Variants in RAD51B observed in about 807,000 individuals in gnomAD.
RAD51B encodes the protein RAD51 paralog B.
Under a neutral mutation model 42.2 loss-of-function variants are expected in RAD51B, and 38 were observed. The observed-to-expected ratio is 0.90, with a 90% CI of 0.70 to 1.18. RAD51B has a LOEUF of 1.18. Ranked by LOEUF, RAD51B falls within the 50% of genes most tolerant of loss-of-function variation. RAD51B has a pLI of 0.00. For synonymous variants in RAD51B, 154 were observed against 145.2 expected (o/e 1.06, Z -0.43); for missense variants, 373 against 400.7 (o/e 0.93, Z 0.59).
intron 10 of RAD51B, chr14:68,541,060 G>A: frequency 4.1e-6 from 4 of 985,340 alleles, no homozygotes; most frequent in Middle Eastern, 5.2e-4. Flanking sequence ...TAAAAGAAGA[G>A]GGTATGCCCT....
At chr14:68,512,028 T>C (rs1321265955) in intron 10 of RAD51B, among the ~76,000 whole-genome samples, 2 of 152,210 alleles carry the variant, frequency 1.3e-5, no homozygotes, top group African/African-American at 4.8e-5. Context: ...AGGAAAGGAC[T>C]TTTCCCCCCA....
intron 7 of RAD51B, among the ~76,000 whole-genome samples, chr14:67,987,090 A>G (rs117256596): frequency 6.6e-6 from 1 of 152,138 alleles, no homozygotes; most frequent in Non-Finnish European, 1.5e-5. Context: ...TTTATGGGGT[A>G]CATGGTATGT....
At chr14:67,948,532 T>C (rs1367783987) in intron 7 of RAD51B, among the ~76,000 whole-genome samples, 2 of 152,166 alleles carry the variant, frequency 1.3e-5, no homozygotes, top group Admixed American at 1.3e-4. Flanking sequence ...AAAGTAACTA[T>C]TGCAATAATG....
At chr14:68,479,913 C>T (rs977612468), downstream of RAD51B, among the ~76,000 whole-genome samples, 3 of 152,044 alleles carry the variant, frequency 2.0e-5, no homozygotes, top group Non-Finnish European at 4.4e-5. Flanking sequence ...AAGTGATCTT[C>T]CAGGCTCAAG....
chr14:67,893,509 CAA>C (rs71129863), intron 7 of RAD51B, among the ~76,000 whole-genome samples: 6,054 of 83,662 alleles, frequency 0.072, 378 homozygotes, highest in South Asian at 0.23. Flanking sequence ...CACACACACA[CAA>C]AAAAAAACAA....
At position 68,594,112 on chromosome 14, in the gene RAD51B, T is replaced by TC. The variant is rs531222526; in HGVS notation, c.1037-368dup. Among the ~76,000 whole-genome samples the TC allele has an allele frequency of 8.2e-3, 1,251 of 151,704 alleles. 14 individuals carry two copies. Among genetic ancestry groups the TC allele is most frequent in the African/African-American group, 0.028 (1,175 of 41,262 alleles). ...GTTTGCCCAAGGGCAGTCTTGTGAT[T>TC]CCCCCACCCCCCGTGCTCCCCACCC... On this transcript the variant is annotated intron_variant, in intron 10 of 10. Transcript: ENST00000487270.
At chr14:68,569,663 C>CTTA (rs1260592057) in intron 10 of RAD51B, among the ~76,000 whole-genome samples, 1 of 152,226 alleles carries the variant, frequency 6.6e-6, no homozygotes, top group Non-Finnish European at 1.5e-5. Flanking sequence ...CCGAACGTCC[C>CTTA]TTATTGATGT....
intron 4 of RAD51B, among the ~76,000 whole-genome samples, chr14:67,860,771 G>A (rs991137321): frequency 5.3e-5 from 8 of 152,140 alleles, no homozygotes; most frequent in African/African-American, 1.7e-4. Context: ...TATATGGATG[G>A]TCCCTGTAAA....
At chr14:68,408,716 G>A (rs1294481119) in intron 8 of RAD51B, among the ~76,000 whole-genome samples, 1 of 152,054 alleles carries the variant, frequency 6.6e-6, no homozygotes, top group East Asian at 1.9e-4. Context: ...TTTAAAGTTA[G>A]CGCAATTAAA....
intron 10 of RAD51B, among the ~76,000 whole-genome samples, chr14:68,578,616 T>C (rs1414405515): frequency 6.6e-6 from 1 of 152,122 alleles, no homozygotes; most frequent in Non-Finnish European, 1.5e-5. Context: ...CCTCTCTCCT[T>C]GAAGGATATA....
intron 7 of RAD51B, among the ~76,000 whole-genome samples, chr14:68,008,620 A>G (rs1471282154): frequency 6.6e-6 from 1 of 152,020 alleles, no homozygotes; most frequent in Non-Finnish European, 1.5e-5. Flanking sequence ...TAAATGGATT[A>G]TTATGGTGCA....
chr14:68,594,908 G>T (rs1890926793), exon 11 of RAD51B: 2 of 1,094,970 alleles, frequency 1.8e-6, no homozygotes, highest in South Asian at 7.3e-5. Context: ...TCCCTGGCTT[G>T]CTGCTGAGCT....
intron 7 of RAD51B, among the ~76,000 whole-genome samples, chr14:68,217,269 C>T (rs1326883052): frequency 6.6e-6 from 1 of 152,160 alleles, no homozygotes; most frequent in Non-Finnish European, 1.5e-5. Flanking sequence ...TCTTCATCTC[C>T]TCTTTTCTAA....
intron 7 of RAD51B, among the ~76,000 whole-genome samples, chr14:68,007,588 T>C (rs2075611996): frequency 6.6e-6 from 1 of 152,096 alleles, no homozygotes; most frequent in African/African-American, 2.4e-5. Context: ...ATGGTTTTGA[T>C]TTTCATTTTC....
In RAD51B at chr14:68,006,015, C is replaced by T. The variant is rs193274594; in HGVS notation, c.756+118811C>T. ...ATAACACTTTTAAACAACCAGGTGT[C>T]GTGAGAACTCTATGAGGAGAACAGC... On this transcript the variant is annotated intron_variant, in intron 7 of 10. Transcript: ENST00000471583. 1.4e-4 allele frequency among the ~76,000 whole-genome samples: 22 copies of T among 152,152 alleles called. 1 individual carries two copies. Among genetic ancestry groups the T allele is most frequent in the South Asian group, 1.2e-3 (6 of 4,814 alleles).
intron 7 of RAD51B, among the ~76,000 whole-genome samples, chr14:68,218,220 T>C (rs2079853680): frequency 6.6e-6 from 1 of 152,220 alleles, no homozygotes. Context: ...CAAAAACAAT[T>C]TTAAGACCTG....
intron 7 of RAD51B, among the ~76,000 whole-genome samples, chr14:67,898,637 G>C (rs2043503791): frequency 6.6e-6 from 1 of 152,170 alleles, no homozygotes; most frequent in East Asian, 1.9e-4. Context: ...ATGTGTTTAT[G>C]GCATTGACCG....
chr14:67,917,647 A>G (rs565029522), intron 7 of RAD51B, among the ~76,000 whole-genome samples: 1 of 152,292 alleles, frequency 6.6e-6, no homozygotes, highest in African/African-American at 2.4e-5. Context: ...AATTTTGTAT[A>G]TATTTTTGAG....
At chr14:67,943,988 C>T (rs1469787587) in intron 7 of RAD51B, among the ~76,000 whole-genome samples, 4 of 152,048 alleles carry the variant, frequency 2.6e-5, no homozygotes, top group Non-Finnish European at 4.4e-5. Flanking sequence ...CTACATTTCT[C>T]ATTTCTTCAG....
Sources: gnomAD v4.1 joint callset for allele counts (sites outside exome capture counted in the v4.1 genomes callset) on GRCh38, gnomAD v4.1.1 for gene constraint, MANE v1.5 for transcripts, NCBI Gene and HGNC (gene_info 2026-07-23, HGNC 2026-07-21) for gene names.